The following GAREM1 variants were observed in gnomAD, a reference collection of about 807,000 sequenced individuals.
GAREM1 encodes the protein GRB2 associated regulator of MAPK1 subtype 1.
In GAREM1, 26 loss-of-function variants were observed where a neutral mutation model predicts 71.3. The ratio of observed to expected loss-of-function variants is 0.36; its 90% CI spans 0.27 to 0.51. The LOEUF (loss-of-function observed/expected upper bound fraction) is 0.51. Among genes scored for constraint, GAREM1 ranks in the 20% least tolerant of loss-of-function variants. The pLI is 0.95. For missense variants in GAREM1, 1,026 were observed against 1,103.1 expected (o/e 0.93, Z 0.99); for synonymous variants, 440 against 433.2 (o/e 1.02, Z -0.20).
At chr18:32,432,309 A>G (rs2048631763) in intron 1 of GAREM1, among the ~76,000 whole-genome samples, 1 of 152,146 alleles carries the variant, frequency 6.6e-6, no homozygotes, top group South Asian at 2.1e-4. Flanking sequence ...CTTACATTAT[A>G]AAAGTAGAAA....
intron 2 of GAREM1, among the ~76,000 whole-genome samples, chr18:32,386,323 G>T (rs935757296): frequency 1.7e-4 from 26 of 152,128 alleles, no homozygotes; most frequent in African/African-American, 6.3e-4. Context: ...CTATAATTTT[G>T]CCCAAGAGAC....
At chr18:32,301,931 C>T (rs1448258644) in intron 3 of GAREM1, among the ~76,000 whole-genome samples, 1 of 152,114 alleles carries the variant, frequency 6.6e-6, no homozygotes, top group Non-Finnish European at 1.5e-5. Flanking sequence ...ATAAAAGCTG[C>T]CAAATCCTGT....
intron 4 of GAREM1, among the ~76,000 whole-genome samples, chr18:32,285,025 A>G (rs1163113724): frequency 1.3e-5 from 2 of 151,968 alleles, no homozygotes; most frequent in East Asian, 3.9e-4. Flanking sequence ...CTGGGATTAC[A>G]GGTGTGAGCC....
chr18:32,287,875 T>G lies in GAREM1; in HGVS notation c.722A>C (p.Glu241Ala). ...EGEHTIRNIV[E>A]KTRLPVNVTV... ...CACATTCACAGGAAGCCTGGTTTTC[T>G]CCACAATGTTGCGGATGGTGTGTTC... is the stretch of plus-strand genomic sequence containing the variant. The change falls in exon 4 of 6, where the codon GAG becomes GCG. Residue 241 changes from glutamate to alanine, a missense_variant. Transcript: ENST00000269209. This position sits in a 1 kb window ranked among gnomAD's most constrained non-coding sequence, Gnocchi z 5.9. The G allele has an allele frequency of 6.2e-7, 1 of 1,613,994 alleles. No homozygotes were observed. Among genetic ancestry groups the G allele is most frequent in the African/African-American group, 1.3e-5 (1 of 74,982 alleles).
intron 1 of GAREM1, among the ~76,000 whole-genome samples, chr18:32,411,873 A>AT (rs2048421703): frequency 6.6e-6 from 1 of 151,944 alleles, no homozygotes; most frequent in Non-Finnish European, 1.5e-5. Context: ...TACACAGCAC[A>AT]TTAAAAAAAA....
chr18:32,322,412 C>A (rs1377989248), intron 2 of GAREM1, among the ~76,000 whole-genome samples: 2 of 152,190 alleles, frequency 1.3e-5, no homozygotes, highest in Non-Finnish European at 2.9e-5. Flanking sequence ...ATCTGGAATA[C>A]CTTTCCTCTA....
At chr18:32,364,028 G>GGTTTTTTTTTTTTTTTTTTTT (rs2047903236) in intron 2 of GAREM1, among the ~76,000 whole-genome samples, 2 of 21,674 alleles carry the variant, frequency 9.2e-5, no homozygotes, top group South Asian at 2.2e-3. Flanking sequence ...ATATATATAT[G>GGTTTTTTTTTTTTTTTTTTTT]TTTTTTTTTT....
Position 32,310,328 on chromosome 18 carries a change from A to G in GAREM1, c.263-5T>C. The G allele has an allele frequency of 1.2e-6, 2 of 1,613,966 alleles. No individual in the cohort carries two copies. Among genetic ancestry groups the G allele is most frequent in the Non-Finnish European group, 1.7e-6 (2 of 1,179,932 alleles). On this transcript the variant is annotated splice_region_variant and splice_polypyrimidine_tract_variant and intron_variant, in intron 2 of 5. Transcript: ENST00000269209. ...GTTCCAGCAGCTTGAATTGCCCTAA[A>G]ACACAGGATAAACAGAAGAGATCTA... is the stretch of plus-strand genomic sequence containing the variant.
intron 5 of GAREM1, among the ~76,000 whole-genome samples, chr18:32,269,665 G>T (rs1207146748): frequency 6.6e-6 from 1 of 151,376 alleles, no homozygotes; most frequent in East Asian, 1.9e-4. Flanking sequence ...AATAAAGGGT[G>T]TTTTTTTTTA....
rs564208068 is a variant in GAREM1 at position 32,268,862 on chromosome 18, A to G, written c.1734-94T>C. On this transcript the variant is annotated intron_variant, in intron 5 of 5. Transcript: ENST00000269209. ...TATAGACGTTACTGCTGAGTAGAAA[A>G]GCGCAGTTAGTTTTGAATTCAATAA... 3.7e-5 allele frequency: 38 copies of G among 1,030,310 alleles called. No homozygotes were observed. In the Admixed American group the frequency reaches 6.5e-4, roughly 18 times the overall value. The allele number at this position is 1,030,310 out of a possible 1,614,324, so 63.8% of individuals were successfully genotyped here.
chr18:32,272,441 T>G lies in GAREM1; in HGVS notation c.1567-2058A>C, dbSNP rs76164189. Among the ~76,000 whole-genome samples the G allele has an allele frequency of 2.0e-3, 300 of 152,316 alleles. 10 individuals are homozygous for G. In the East Asian group the frequency reaches 0.047, roughly 24 times the overall value. On this transcript the variant is annotated intron_variant, in intron 4 of 5. Transcript: ENST00000269209. The stretch of plus-strand genomic sequence containing the variant: ...TTTCATCTGGAGAAGCTCTTTAGAC[T>G]AAAAGAAAATATTCGGAGCAGCAGA...
Position 32,268,035 on chromosome 18 carries a change from T to C in GAREM1, c.2467A>G (p.Ile823Val). ...GATATGACATCTTCGGACAAACCAA[T>C]GAACCGTAGTGACTTGGACACTTCC... ...IEEVSKSLRF[I>V]GLSEDVISFF... is the part of the protein sequence containing the mutation. Residue 823 changes from isoleucine to valine, a missense_variant, in exon 6 of 6, where the codon ATT becomes GTT. This residue lies in a region of GAREM1 where 636 missense variants were observed against 631.2 expected (regional missense o/e 1.01). Transcript: ENST00000269209. 7 of 1,614,078 alleles carry C rather than the reference T, an allele frequency of 4.3e-6. No homozygotes were observed. The highest frequency in any genetic ancestry group is 5.9e-6 in the Non-Finnish European group (7 of 1,179,968).
At chr18:32,417,753 G>A (rs1181750325) in intron 1 of GAREM1, among the ~76,000 whole-genome samples, 2 of 152,058 alleles carry the variant, frequency 1.3e-5, no homozygotes, top group Non-Finnish European at 2.9e-5. Flanking sequence ...GGAAGGTGGG[G>A]ATGGTTAATG....
intron 2 of GAREM1, among the ~76,000 whole-genome samples, chr18:32,322,531 G>C (rs2047439339): frequency 6.6e-6 from 1 of 152,170 alleles, no homozygotes; most frequent in South Asian, 2.1e-4. Flanking sequence ...TCTTTTGAAT[G>C]ACTGCATTAT....
intron 2 of GAREM1, among the ~76,000 whole-genome samples, chr18:32,360,456 G>A (rs1024826639): frequency 6.6e-6 from 1 of 152,146 alleles, no homozygotes; most frequent in Non-Finnish European, 1.5e-5. Flanking sequence ...GTGCATGAAA[G>A]GGGCTTGTTG....
At chr18:32,443,446 A>G (rs995639173) in intron 1 of GAREM1, among the ~76,000 whole-genome samples, 1 of 152,214 alleles carries the variant, frequency 6.6e-6, no homozygotes, top group African/African-American at 2.4e-5. Flanking sequence ...TCAACAATGA[A>G]AAGTAACCCA....
intron 1 of GAREM1, among the ~76,000 whole-genome samples, chr18:32,467,773 C>G (rs559942717): frequency 2.6e-5 from 4 of 151,960 alleles, no homozygotes; most frequent in African/African-American, 9.7e-5. Context: ...ATAGGGTGGG[C>G]GTGTGCAGAT....
At chr18:32,325,717 A>G (rs1226675349) in intron 2 of GAREM1, among the ~76,000 whole-genome samples, 1 of 152,198 alleles carries the variant, frequency 6.6e-6, no homozygotes, top group Non-Finnish European at 1.5e-5. Context: ...AAATCTTTGC[A>G]CAACAGGTAG....
chr18:32,325,804 C>T (rs981833711), intron 2 of GAREM1, among the ~76,000 whole-genome samples: 7 of 152,192 alleles, frequency 4.6e-5, no homozygotes, highest in African/African-American at 1.7e-4. Flanking sequence ...CCTTCTACAT[C>T]TCCATTTGCT....
Sources: allele counts gnomAD v4.1 joint callset (sites outside exome capture counted in the v4.1 genomes callset), GRCh38; gene constraint gnomAD v4.1.1; regional missense constraint gnomAD v4.1.1; non-coding constraint Gnocchi (gnomAD v3.1); transcripts MANE v1.5; gene names NCBI Gene and HGNC (gene_info 2026-07-23, HGNC 2026-07-21).